The following TRHDE variants were observed in gnomAD, a reference collection of about 807,000 sequenced individuals.
TRHDE encodes thyrotropin-releasing hormone-degrading ectoenzyme.
A neutral mutation model predicts 125.7 loss-of-function variants in TRHDE; 72 were observed. That is an observed-to-expected ratio of 0.57 (90% CI 0.47 to 0.70). The LOEUF is 0.70. TRHDE is among the 30% of genes least tolerant of loss of function. TRHDE has a pLI of 0.00. For synonymous variants in TRHDE, 509 were observed against 509.1 expected (o/e 1.00, Z 0.00); for missense variants, 1,110 against 1,327.1 (o/e 0.84, Z 2.54).
At chr12:72,095,696 A>C (rs1246271763) in intron 1 of TRHDE, among the ~76,000 whole-genome samples, 1 of 152,162 alleles carries the variant, frequency 6.6e-6, no homozygotes, top group Non-Finnish European at 1.5e-5. Flanking sequence ...GGATTTTGTA[A>C]GACAGAAAAA....
chr12:72,495,162 C>T (rs954670345), intron 5 of TRHDE, among the ~76,000 whole-genome samples: 2 of 144,256 alleles, frequency 1.4e-5, no homozygotes, highest in Non-Finnish European at 3.0e-5. Context: ...GGAACCAAGG[C>T]ATCAAAGTAT....
At chr12:72,339,848 C>T (rs1480010433) in intron 2 of TRHDE, among the ~76,000 whole-genome samples, 1 of 152,090 alleles carries the variant, frequency 6.6e-6, no homozygotes, top group East Asian at 1.9e-4. Context: ...TGGAAATTGC[C>T]CTTGGCCACA....
At chr12:72,309,593 T>C (rs994769238) in intron 2 of TRHDE, 2 of 152,096 alleles carry the variant, frequency 1.3e-5, no homozygotes, top group African/African-American at 4.8e-5. Flanking sequence ...GTTGAAGGGT[T>C]CATATTTGAT....
chr12:72,256,387 T>A (rs1004598791), intron 2 of TRHDE: 1 of 152,208 alleles, frequency 6.6e-6, no homozygotes, highest in African/African-American at 2.4e-5. Context: ...ATCAACATAC[T>A]TCACTTCCTG....
intron 2 of TRHDE, among the ~76,000 whole-genome samples, chr12:72,265,509 A>T (rs1358579434): frequency 6.6e-6 from 1 of 151,828 alleles, no homozygotes; most frequent in African/African-American, 2.4e-5. Context: ...TCTAGCAAAC[A>T]TCTCTGTATA....
At chr12:72,130,968 G>A (rs1157576817) in intron 2 of TRHDE, among the ~76,000 whole-genome samples, 2 of 151,842 alleles carry the variant, frequency 1.3e-5, no homozygotes, top group African/African-American at 4.8e-5. Flanking sequence ...AAGAATTTAG[G>A]TCTTTTTCTA....
chr12:72,202,095 A>G (rs990416680), intron 2 of TRHDE, among the ~76,000 whole-genome samples: 1 of 152,180 alleles, frequency 6.6e-6, no homozygotes, highest in Non-Finnish European at 1.5e-5. Context: ...GTTAATCATG[A>G]TGGTTGCTTG....
intron 15 of TRHDE, among the ~76,000 whole-genome samples, chr12:72,649,216 TA>T (rs1182996177): frequency 2.0e-5 from 3 of 151,510 alleles, no homozygotes; most frequent in African/African-American, 7.3e-5. Flanking sequence ...AAACAGAATA[TA>T]AAGCCAAAAA....
At chr12:72,417,934 T>C (rs1030353032) in intron 3 of TRHDE, among the ~76,000 whole-genome samples, 3 of 152,092 alleles carry the variant, frequency 2.0e-5, no homozygotes, top group Admixed American at 6.6e-5. Flanking sequence ...GTTTAATATA[T>C]GGCCATTGTC....
chr12:72,298,729 C>T (rs1880397054), intron 2 of TRHDE, among the ~76,000 whole-genome samples: 1 of 152,228 alleles, frequency 6.6e-6, no homozygotes, highest in South Asian at 2.1e-4. Context: ...GGGAGGGCTT[C>T]AGGGTTATAT....
At chr12:72,372,924 A>G (rs1291005615) in intron 2 of TRHDE, among the ~76,000 whole-genome samples, 1 of 152,192 alleles carries the variant, frequency 6.6e-6, no homozygotes, top group African/African-American at 2.4e-5. Context: ...CAATTCTGTG[A>G]AGAAAGTCAT....
At chr12:72,437,468 A>C (rs981171979) in intron 3 of TRHDE, among the ~76,000 whole-genome samples, 1 of 151,862 alleles carries the variant, frequency 6.6e-6, no homozygotes, top group African/African-American at 2.4e-5. Context: ...AATTTTTGTC[A>C]AACAATACTG....
At chr12:72,640,189 C>G (rs949037680) in intron 15 of TRHDE, among the ~76,000 whole-genome samples, 4 of 152,232 alleles carry the variant, frequency 2.6e-5, no homozygotes, top group Non-Finnish European at 5.9e-5. Context: ...GAGCCAGGTG[C>G]GGGACACAAT....
intron 2 of TRHDE, among the ~76,000 whole-genome samples, chr12:72,325,848 G>A (rs1869316492): frequency 6.6e-6 from 1 of 152,120 alleles, no homozygotes; most frequent in Non-Finnish European, 1.5e-5. Flanking sequence ...ATAGTAACAT[G>A]TGCAACTCAC....
In TRHDE at chr12:72,575,333, A is replaced by C; in HGVS notation, c.2210A>C (p.Asn737Thr). 6.2e-7 allele frequency: 1 copy of C among 1,613,658 alleles called. No individual in the cohort carries two copies. The highest frequency in any genetic ancestry group is 1.1e-5 in the South Asian group (1 of 91,068). The change falls in exon 11 of 19, where the codon AAC becomes ACC. Residue 737 changes from asparagine (N) to threonine (T), a missense_variant. By Grantham distance (65) the Asn-to-Thr change is moderately conservative (BLOSUM62 0). Around this residue, in one of 5 missense-constraint regions of TRHDE, gnomAD observed 527 missense variants for 651.8 expected, o/e 0.81. Coordinates refer to ENST00000261180, the MANE Select transcript of TRHDE (RefSeq NM_013381.3). ...NINQTGYFRV[N>T]YDLRNWRLLI... Reference sequence around the variant, plus strand: ...AATCAAACTGGCTATTTTAGAGTCAACTATGACCTAAGGAACTGGAGATTA... The same window carrying C: ...AATCAAACTGGCTATTTTAGAGTCACCTATGACCTAAGGAACTGGAGATTA...
intron 2 of TRHDE, among the ~76,000 whole-genome samples, chr12:72,117,167 GAA>G (rs1439509997): frequency 6.6e-6 from 1 of 152,010 alleles, no homozygotes; most frequent in Non-Finnish European, 1.5e-5. Context: ...CAATGTCCTA[GAA>G]AGTTTCTCTA....
intron 2 of TRHDE, among the ~76,000 whole-genome samples, chr12:72,152,801 T>G (rs1876401481): frequency 6.6e-6 from 1 of 152,214 alleles, no homozygotes; most frequent in Non-Finnish European, 1.5e-5. Flanking sequence ...AGTTTGCCAG[T>G]ATTTTATTGA....
chr12:72,298,398 C>A (rs1475299960), intron 2 of TRHDE, among the ~76,000 whole-genome samples: 1 of 152,106 alleles, frequency 6.6e-6, no homozygotes, highest in African/African-American at 2.4e-5. Flanking sequence ...AAGGTCCTGG[C>A]ATATCTAGAG....
At position 72,273,035 on chromosome 12, in the gene TRHDE, G is replaced by A. The variant is rs1005862306; in HGVS notation, c.392G>A (p.Arg131His). 34 of 1,537,722 alleles carry A rather than the reference G, an allele frequency of 2.2e-5. No homozygotes were observed. Among genetic ancestry groups the A allele is most frequent in the African/African-American group, 2.7e-5 (2 of 73,046 alleles). ...ADGGPSGFPE[R>H]GGNGSLPGSA... ...GGTGGCCCCTCAGGCTTTCCGGAGC[G>A]CGGCGGCAACGGGAGCCTCCCTGGA... Residue 131 changes from arginine to histidine, a missense_variant, in exon 1 of 19, where the codon CGC (arginine) becomes CAC (histidine). Coordinates refer to ENST00000261180, the MANE Select transcript of TRHDE (RefSeq NM_013381.3). The surrounding 1 kb of genome is among the most constrained non-coding windows in gnomAD (Gnocchi z 5.3).
Sources: gnomAD v4.1 joint callset for allele counts (sites outside exome capture counted in the v4.1 genomes callset) on GRCh38, gnomAD v4.1.1 for gene constraint, gnomAD v4.1.1 regional missense constraint, Gnocchi (gnomAD v3.1) non-coding constraint, MANE v1.5 for transcripts, NCBI Gene and HGNC (gene_info 2026-07-23, HGNC 2026-07-21) for gene names.